The following PDE4D variants were observed in gnomAD, a reference collection of about 807,000 sequenced individuals.
PDE4D encodes 3',5'-cyclic-AMP phosphodiesterase 4D.
In PDE4D, 24 loss-of-function variants were observed where a neutral mutation model predicts 87.4. That is an observed-to-expected ratio of 0.27 (90% CI 0.20 to 0.39). PDE4D has a LOEUF of 0.39. PDE4D is among the 10% of genes least tolerant of loss of function. The probability of loss-of-function intolerance (pLI) is 1.00; values close to 1 mark genes in which losing one functional copy is unlikely to be tolerated. For synonymous variants in PDE4D, 384 were observed against 383.2 expected (o/e 1.00, Z -0.02); for missense variants, 714 against 1,041.0 (o/e 0.69, Z 4.32).
chr5:58,994,974 T>C (rs1748869757), intron 6 of PDE4D, among the ~76,000 whole-genome samples: 1 of 134,098 alleles, frequency 7.5e-6, no homozygotes, highest in Admixed American at 8.9e-5. Flanking sequence ...CCAAGTGTTC[T>C]CATTGTTCAA....
At chr5:59,412,898 C>T (rs1032247994) in intron 1 of PDE4D, among the ~76,000 whole-genome samples, 6 of 152,182 alleles carry the variant, frequency 3.9e-5, no homozygotes, top group South Asian at 2.1e-4. Context: ...GTCTTCTGAA[C>T]TCTGTTTTTC....
At chr5:59,162,616 A>G (rs1478774469) in intron 5 of PDE4D, among the ~76,000 whole-genome samples, 1 of 151,874 alleles carries the variant, frequency 6.6e-6, no homozygotes, top group East Asian at 1.9e-4. Flanking sequence ...AGGCAGGAGA[A>G]TCACTTGAGC....
chr5:60,103,011 C>T (rs1051875611), intron 2 of PDE4D, among the ~76,000 whole-genome samples: 4 of 151,472 alleles, frequency 2.6e-5, no homozygotes, highest in Non-Finnish European at 4.4e-5. Context: ...AAAAAACACC[C>T]AGAAAACATT....
At chr5:58,992,146 G>T in intron 7 of PDE4D, 142 bp from the exon 8 acceptor site, 1 of 484,722 alleles carries the variant, frequency 2.1e-6, no homozygotes, top group Non-Finnish European at 3.4e-6. Flanking sequence ...AGAGAGTTCA[G>T]TATTTACATT....
At chr5:60,009,844 T>C (rs1764847740) in intron 2 of PDE4D, among the ~76,000 whole-genome samples, 1 of 152,122 alleles carries the variant, frequency 6.6e-6, no homozygotes, top group African/African-American at 2.4e-5. Context: ...TTTTACTGAG[T>C]CATGTTGACA....
intron 3 of PDE4D, among the ~76,000 whole-genome samples, chr5:59,972,884 T>C (rs1180121340): frequency 6.6e-6 from 1 of 152,170 alleles, no homozygotes; most frequent in Non-Finnish European, 1.5e-5. Context: ...ATACTACTAA[T>C]TTTAAAGGTG....
At chr5:60,153,707 T>C (rs1278866780) in intron 2 of PDE4D, among the ~76,000 whole-genome samples, 18 of 152,166 alleles carry the variant, frequency 1.2e-4, no homozygotes, top group Non-Finnish European at 2.9e-5. Flanking sequence ...AATCCTGCCA[T>C]ATGCAACAAC....
In PDE4D at chr5:60,177,779, A is replaced by G. The variant is rs534781880; in HGVS notation, c.42+7778T>C. Among the ~76,000 whole-genome samples the G allele has an allele frequency of 5.3e-5, 8 of 152,344 alleles. No individual in the cohort carries two copies. The East Asian group carries it at 1.2e-3, about 22-fold the overall frequency. Reference sequence around the variant, plus strand: ...TTAATCTACTCCTCTCATGTTACACATGAGTGATATAGACACCGGTGAGGT... The same window carrying G: ...TTAATCTACTCCTCTCATGTTACACGTGAGTGATATAGACACCGGTGAGGT... On this transcript the variant is annotated intron_variant, in intron 2 of 16. Coordinates refer to the PDE4D transcript ENST00000502484.
At chr5:59,317,006 G>T (rs1773874573) in intron 1 of PDE4D, among the ~76,000 whole-genome samples, 1 of 152,182 alleles carries the variant, frequency 6.6e-6, no homozygotes, top group Non-Finnish European at 1.5e-5. Context: ...CTCTCCAGAG[G>T]TGGGTCATGG....
chr5:60,047,300 G>T (rs1224963021), intron 2 of PDE4D, among the ~76,000 whole-genome samples: 2 of 150,614 alleles, frequency 1.3e-5, no homozygotes, highest in Admixed American at 6.6e-5. Flanking sequence ...CAATTTTGTT[G>T]ATCCTTTCAA....
intron 1 of PDE4D, among the ~76,000 whole-genome samples, chr5:59,698,375 T>C (rs755560060): frequency 1.3e-5 from 2 of 152,034 alleles, no homozygotes; most frequent in Non-Finnish European, 2.9e-5. Flanking sequence ...ACTTTCTACA[T>C]TGCATGGATA....
At chr5:59,334,246 A>G (rs1777240104) in intron 1 of PDE4D, among the ~76,000 whole-genome samples, 16 of 98,724 alleles carry the variant, frequency 1.6e-4, no homozygotes, top group South Asian at 8.8e-4. Context: ...GATCCAGTGG[A>G]GTTTTTTTTT....
At chr5:59,970,182 G>A (rs1239285830) in intron 3 of PDE4D, among the ~76,000 whole-genome samples, 1 of 152,178 alleles carries the variant, frequency 6.6e-6, no homozygotes, top group Non-Finnish European at 1.5e-5. Context: ...TGGACTAACA[G>A]CAGAGTTAAT....
chr5:59,866,418 G>T (rs1016586599), intron 1 of PDE4D, among the ~76,000 whole-genome samples: 6 of 151,926 alleles, frequency 3.9e-5, no homozygotes, highest in African/African-American at 9.7e-5. Flanking sequence ...AAAATGTCTC[G>T]GGAAATGAGT....
intron 1 of PDE4D, among the ~76,000 whole-genome samples, chr5:60,476,938 T>G (rs1172806846): frequency 6.6e-6 from 1 of 152,226 alleles, no homozygotes; most frequent in Non-Finnish European, 1.5e-5. Flanking sequence ...GCCTCCATTT[T>G]GTCTACTTTT....
rs1387359596 is a variant in PDE4D, at chr5:59,150,548, C to T, written c.808+30047G>A. Among the ~76,000 whole-genome samples the T allele has an allele frequency of 2.0e-5, 3 of 152,134 alleles. No individual in the cohort carries two copies. The East Asian group carries it at 5.8e-4, about 29-fold the overall frequency. ...ATAAGGAGTAAGAATGGGGATAATG[C>T]TTCTTTTTGGTCATCAATGTATCTC... is the stretch of plus-strand genomic sequence containing the variant. On this transcript the variant is annotated intron_variant, in intron 5 of 14. Coordinates refer to ENST00000340635, the MANE Select transcript of PDE4D (RefSeq NM_001104631.2).
intron 1 of PDE4D, among the ~76,000 whole-genome samples, chr5:59,787,793 T>A (rs190494909): frequency 1.3e-4 from 20 of 152,332 alleles, no homozygotes; most frequent in Non-Finnish European, 2.1e-4. Context: ...ATGTCTTTTA[T>A]ATAGGCATCT....
chr5:59,465,877 A>G (rs996557391), intron 1 of PDE4D, among the ~76,000 whole-genome samples: 2 of 152,190 alleles, frequency 1.3e-5, no homozygotes, highest in African/African-American at 4.8e-5. Context: ...TTCCTTTTTT[A>G]CAGATGGAGA....
chr5:59,039,371 C>T, intron 5 of PDE4D: 1 of 1,027,598 alleles, frequency 9.7e-7, no homozygotes. Flanking sequence ...GGTGCCCGCC[C>T]CGCAGAGGAG....
Sources: allele counts gnomAD v4.1 joint callset (sites outside exome capture counted in the v4.1 genomes callset), GRCh38; gene constraint gnomAD v4.1.1; transcripts MANE v1.5; gene names NCBI Gene and HGNC (gene_info 2026-07-23, HGNC 2026-07-21).